The following LYPD6B variants were observed in gnomAD, a reference collection of about 807,000 sequenced individuals.
The protein encoded by LYPD6B is LY6/PLAUR domain containing 6B.
LYPD6B carries 17 observed loss-of-function variants against 22.8 expected under a neutral mutation model. The observed-to-expected ratio is 0.75, with a 90% confidence interval of 0.51 to 1.12. The LOEUF is 1.12. LYPD6B is among the 50% of genes most tolerant of loss of function. The pLI is 0.00. For missense variants in LYPD6B, 221 were observed against 258.3 expected (o/e 0.86, Z 0.99); for synonymous variants, 106 against 91.6 (o/e 1.16, Z -0.90).
At chr2:149,131,836 A>G (rs1383232075) in intron 2 of LYPD6B, among the ~76,000 whole-genome samples, 2 of 152,196 alleles carry the variant, frequency 1.3e-5, no homozygotes, top group African/African-American at 4.8e-5. Flanking sequence ...TTGGGAGCTA[A>G]AACAGAATGA....
At chr2:149,042,624 A>C (rs1326151507) in intron 1 of LYPD6B, among the ~76,000 whole-genome samples, 1 of 152,216 alleles carries the variant, frequency 6.6e-6, no homozygotes, top group African/African-American at 2.4e-5. Flanking sequence ...TGTGTGCCAG[A>C]CACTGTTCTA....
intron 4 of LYPD6B, among the ~76,000 whole-genome samples, chr2:149,205,636 TA>T (rs1026069951): frequency 6.6e-6 from 1 of 152,114 alleles, no homozygotes; most frequent in Non-Finnish European, 1.5e-5. Context: ...ATTCTTGTTT[TA>T]AAAAAAACTT....
intron 1 of LYPD6B, among the ~76,000 whole-genome samples, chr2:149,066,654 T>C (rs1176880020): frequency 6.6e-6 from 1 of 152,012 alleles, no homozygotes. Context: ...ACTTCAAATT[T>C]AATAAATATT....
Position 149,050,465 on chromosome 2 carries a change from A to G in LYPD6B, c.-67+11664A>G, listed in dbSNP as rs144568799. Among the ~76,000 whole-genome samples the G allele has an allele frequency of 1.8e-4, 27 of 152,288 alleles. No homozygotes were observed. The East Asian group carries it at 3.7e-3, about 21-fold the overall frequency. On this transcript the variant is annotated intron_variant, in intron 1 of 6. Coordinates refer to ENST00000409642, the MANE Select transcript of LYPD6B (RefSeq NM_177964.5). ...GTATCGTGTTGAAAACATCTCCTGC[A>G]TTTTGGGACTATTTCACTAGGGTGA...
chr2:149,127,121 T>C (rs1170091081), intron 1 of LYPD6B, among the ~76,000 whole-genome samples: 1 of 151,612 alleles, frequency 6.6e-6, no homozygotes, highest in East Asian at 1.9e-4. Flanking sequence ...TTGTTCATTT[T>C]AATATTTCAT....
At chr2:149,138,446 T>C (rs938010722) in intron 2 of LYPD6B, among the ~76,000 whole-genome samples, 1 of 152,234 alleles carries the variant, frequency 6.6e-6, no homozygotes, top group African/African-American at 2.4e-5. Flanking sequence ...CAGGTGCAGA[T>C]GTGGATGGGA....
chr2:149,178,599 C>T (rs1476718288), intron 3 of LYPD6B, among the ~76,000 whole-genome samples: 2 of 152,290 alleles, frequency 1.3e-5, no homozygotes, highest in East Asian at 1.9e-4. Flanking sequence ...GGCAGCCTAA[C>T]TCACCTTGCT....
intron 1 of LYPD6B, among the ~76,000 whole-genome samples, chr2:149,048,008 C>T (rs1209425717): frequency 6.6e-6 from 1 of 152,132 alleles, no homozygotes; most frequent in Non-Finnish European, 1.5e-5. Flanking sequence ...TCTCTGATAA[C>T]ATTTTCCATT....
intron 3 of LYPD6B, among the ~76,000 whole-genome samples, chr2:149,161,836 T>C (rs534515571): frequency 6.6e-6 from 1 of 152,354 alleles, no homozygotes; most frequent in South Asian, 2.1e-4. Flanking sequence ...ATGATAATTA[T>C]ATGTTTCAAG....
At chr2:149,059,218 C>T (rs1451813314) in intron 1 of LYPD6B, among the ~76,000 whole-genome samples, 1 of 152,260 alleles carries the variant, frequency 6.6e-6, no homozygotes, top group Non-Finnish European at 1.5e-5. Context: ...TATCAAGTCC[C>T]TACCTCTCTG....
intron 1 of LYPD6B, among the ~76,000 whole-genome samples, chr2:149,072,423 G>A (rs1459191489): frequency 3.9e-5 from 6 of 152,106 alleles, no homozygotes. Context: ...CATACAGGAT[G>A]TCAATGTAAT....
intron 1 of LYPD6B, among the ~76,000 whole-genome samples, chr2:149,092,748 A>G (rs1480342206): frequency 3.9e-5 from 6 of 152,196 alleles, no homozygotes; most frequent in Non-Finnish European, 7.3e-5. Context: ...TTGTAAAGTG[A>G]CAGCCTTCTT....
At chr2:149,214,507 A>G (rs966020179) in intron 6 of LYPD6B, 39 bp from the exon 7 acceptor site, 3 of 1,599,040 alleles carry the variant, frequency 1.9e-6, no homozygotes, top group African/African-American at 1.3e-5. Flanking sequence ...TCCCTCTTCT[A>G]TTATTCACTG....
chr2:149,104,424 T>C (rs1206494246), intron 1 of LYPD6B, among the ~76,000 whole-genome samples: 10 of 152,170 alleles, frequency 6.6e-5, no homozygotes, highest in Admixed American at 6.5e-4. Flanking sequence ...CTTGTGGGTT[T>C]AAGAGATAAA....
chr2:149,125,093 C>T (rs1687616286), intron 1 of LYPD6B, among the ~76,000 whole-genome samples: 1 of 152,122 alleles, frequency 6.6e-6, no homozygotes, highest in Non-Finnish European at 1.5e-5. Context: ...ATTGGGTTCT[C>T]CCAGTCAAAC....
intron 2 of LYPD6B, among the ~76,000 whole-genome samples, chr2:149,132,397 G>T (rs1404683): frequency 0.43 from 64,427 of 151,088 alleles, 13,969 homozygotes; most frequent in East Asian, 0.54. Flanking sequence ...AAGTACATAG[G>T]TTAATGACAA....
intron 1 of LYPD6B, among the ~76,000 whole-genome samples, chr2:149,049,668 A>G (rs967534417): frequency 1.1e-4 from 16 of 152,230 alleles, no homozygotes; most frequent in Non-Finnish European, 2.9e-5. Flanking sequence ...TAACATGCCC[A>G]GGATTTCAGA....
intron 1 of LYPD6B, among the ~76,000 whole-genome samples, chr2:149,074,125 G>A (rs1684772028): frequency 6.6e-6 from 1 of 152,176 alleles, no homozygotes; most frequent in African/African-American, 2.4e-5. Context: ...GAAGGTGTCT[G>A]CTGTGGAGCC....
intron 2 of LYPD6B, among the ~76,000 whole-genome samples, chr2:149,140,551 G>A (rs1217773815): frequency 6.6e-6 from 1 of 152,138 alleles, no homozygotes; most frequent in East Asian, 1.9e-4. Context: ...AGCTAGATCC[G>A]ACTCACACCT....
Sources: gnomAD v4.1 joint callset for allele counts (sites outside exome capture counted in the v4.1 genomes callset) on GRCh38, gnomAD v4.1.1 for gene constraint, MANE v1.5 for transcripts, NCBI Gene and HGNC (gene_info 2026-07-23, HGNC 2026-07-21) for gene names.